ANGPT1: variants seen among roughly 807,000 people sequenced by gnomAD.
ANGPT1 encodes the protein angiopoietin-1.
ANGPT1 carries 17 observed loss-of-function variants against 62.2 expected under a neutral mutation model. That is an observed-to-expected ratio of 0.27 (90% CI 0.19 to 0.41). The LOEUF is 0.41. ANGPT1 is among the 10% of genes least tolerant of loss of function. The probability of loss-of-function intolerance (pLI) is 1.00; values close to 1 mark genes in which losing one functional copy is unlikely to be tolerated. For synonymous variants in ANGPT1, 199 were observed against 198.9 expected, an observed-to-expected ratio of 1.00 and a Z score of 0.00; for missense variants, 478 against 594.9, an observed-to-expected ratio of 0.80 and a Z score of 2.04.
At chr8:107,375,917 T>G (rs1459797114) in intron 1 of ANGPT1, among the ~76,000 whole-genome samples, 1 of 152,228 alleles carries the variant, frequency 6.6e-6, no homozygotes, top group African/African-American at 2.4e-5. Context: ...CAATCATTGT[T>G]CTAGAATATG....
intron 7 of ANGPT1, among the ~76,000 whole-genome samples, chr8:107,269,135 C>G (rs1393512093): frequency 6.6e-6 from 1 of 152,002 alleles, no homozygotes; most frequent in African/African-American, 2.4e-5. Flanking sequence ...CTGGGAGAAA[C>G]TATGCAGTCC....
chr8:107,450,190 G>T (rs569412727), intron 1 of ANGPT1, among the ~76,000 whole-genome samples: 1 of 151,974 alleles, frequency 6.6e-6, no homozygotes, highest in Non-Finnish European at 1.5e-5. Context: ...GTTGGAAAAG[G>T]CTTGAGTTTT....
chr8:107,446,188 A>C lies in ANGPT1; in HGVS notation c.297+51074T>G, dbSNP rs549388263. On this transcript the variant is annotated intron_variant, in intron 1 of 8. Coordinates refer to ENST00000517746, the MANE Select transcript of ANGPT1 (RefSeq NM_001146.5). ...CGCCTTGGCTTCCCAGAGTGCTGGG[A>C]TTACAGGCATGAGCCACCACGCCCG... Among the ~76,000 whole-genome samples, 10 of 152,348 alleles carry C rather than the reference A, an allele frequency of 6.6e-5. No individual in the cohort carries two copies. The South Asian group carries it at 1.9e-3, about 28-fold the overall frequency.
rs184201403 is a variant in ANGPT1, at chr8:107,340,332, G to T, written c.454-4061C>A. Among the ~76,000 whole-genome samples the T allele has an allele frequency of 2.8e-4, 43 of 152,222 alleles. 2 individuals are homozygous for T. In the South Asian group the frequency reaches 5.4e-3, roughly 19 times the overall value. On this transcript the variant is annotated intron_variant, in intron 2 of 8. Transcript: ENST00000517746. ...TTTTCCAAAATATACCTAAGAGTAA[G>T]AGAGACATAAAACCTGAAATTGAGG...
chr8:107,310,721 G>A (rs760849237), intron 4 of ANGPT1, among the ~76,000 whole-genome samples: 2 of 152,074 alleles, frequency 1.3e-5, no homozygotes, highest in African/African-American at 2.4e-5. Flanking sequence ...TAAGTGAGAG[G>A]TCCCAAAGCA....
chr8:107,275,091 T>C (rs146704736), intron 7 of ANGPT1, among the ~76,000 whole-genome samples: 3 of 152,094 alleles, frequency 2.0e-5, no homozygotes, highest in Non-Finnish European at 4.4e-5. Flanking sequence ...AAAATAGAGG[T>C]TGAGTTCTGT....
chr8:107,363,766 T>A (rs1038794910), intron 1 of ANGPT1, among the ~76,000 whole-genome samples: 2 of 152,008 alleles, frequency 1.3e-5, no homozygotes, highest in African/African-American at 2.4e-5. Context: ...GTAAAAAAAA[T>A]AATAATAATA....
At chr8:107,420,290 C>T (rs966175986) in intron 1 of ANGPT1, among the ~76,000 whole-genome samples, 1 of 152,050 alleles carries the variant, frequency 6.6e-6, no homozygotes, top group African/African-American at 2.4e-5. Flanking sequence ...AGGAGTGAAC[C>T]TGTGCTTCAA....
At chr8:107,293,840 C>A in intron 6 of ANGPT1, 96 bp downstream of exon 6, 2 of 935,198 alleles carry the variant, frequency 2.1e-6, no homozygotes, top group Non-Finnish European at 3.2e-6. Context: ...AAAAATAACT[C>A]AAAACCACCT....
intron 4 of ANGPT1, among the ~76,000 whole-genome samples, chr8:107,307,930 G>C (rs1814758411): frequency 6.6e-6 from 1 of 151,924 alleles, no homozygotes; most frequent in Non-Finnish European, 1.5e-5. Context: ...CCAGGTGTTT[G>C]CTCTTTCCCT....
chr8:107,431,722 A>T (rs1215456379), intron 1 of ANGPT1, among the ~76,000 whole-genome samples: 1 of 121,974 alleles, frequency 8.2e-6, no homozygotes, highest in African/African-American at 3.3e-5. Context: ...ATTTTCAGGG[A>T]AACTACTCTG....
intron 1 of ANGPT1, among the ~76,000 whole-genome samples, chr8:107,482,176 T>C (rs1476634498): frequency 2.0e-5 from 3 of 152,236 alleles, no homozygotes; most frequent in Non-Finnish European, 4.4e-5. Flanking sequence ...ATGAATTTTT[T>C]GAAGTTCCGT....
At chr8:107,408,077 CA>C (rs5893859) in intron 1 of ANGPT1, among the ~76,000 whole-genome samples, 46,244 of 151,468 alleles carry the variant, frequency 0.31, 8,169 homozygotes, top group East Asian at 0.58. Context: ...TATTTTCTTA[CA>C]AAAAAATAAA....
chr8:107,469,237 T>A (rs563121269), intron 1 of ANGPT1, among the ~76,000 whole-genome samples: 1 of 152,152 alleles, frequency 6.6e-6, no homozygotes, highest in African/African-American at 2.4e-5. Context: ...AGAGTTTATA[T>A]CTTGACCAAA....
rs1006376004 is a variant in ANGPT1, at chr8:107,398,520, T to C, written c.298-51423A>G. Among the ~76,000 whole-genome samples, 334 of 137,524 alleles carry C rather than the reference T, an allele frequency of 2.4e-3. 2 individuals are homozygous for C. The highest frequency in any genetic ancestry group is 8.6e-3 in the African/African-American group (331 of 38,488). 90.2% of individuals were successfully genotyped at this position (137,524 alleles called of 152,430 possible). On this transcript the variant is annotated intron_variant, in intron 1 of 8. Transcript: ENST00000517746. The stretch of plus-strand genomic sequence containing the variant: ...TTTCTATTTTTTTTTTTTTTTTTGC[T>C]AAGTGTGAAAACACTCTGTGAATCA...
intron 1 of ANGPT1, among the ~76,000 whole-genome samples, chr8:107,428,129 CA>C (rs1811085398): frequency 6.6e-6 from 1 of 152,144 alleles, no homozygotes; most frequent in Admixed American, 6.5e-5. Context: ...AACCACAAAG[CA>C]ACTGGAATTG....
intron 1 of ANGPT1, among the ~76,000 whole-genome samples, chr8:107,459,324 C>A (rs1812003737): frequency 6.6e-6 from 1 of 152,016 alleles, no homozygotes; most frequent in South Asian, 2.1e-4. Context: ...CCCAGGCGGG[C>A]AGATTACTTG....
intron 1 of ANGPT1, among the ~76,000 whole-genome samples, chr8:107,421,941 ATTGT>A (rs1452368720): frequency 2.6e-5 from 4 of 152,088 alleles, no homozygotes; most frequent in East Asian, 1.9e-4. Flanking sequence ...ACTTCTATTC[ATTGT>A]TTGTGTTCCA....
chr8:107,359,212 G>A (rs921196244), intron 1 of ANGPT1, among the ~76,000 whole-genome samples: 2 of 152,062 alleles, frequency 1.3e-5, no homozygotes, highest in African/African-American at 4.8e-5. Flanking sequence ...GACTTACTCC[G>A]AAGAGAGGAG....
Sources: gnomAD v4.1 joint callset for allele counts (sites outside exome capture counted in the v4.1 genomes callset) on GRCh38, gnomAD v4.1.1 for gene constraint, MANE v1.5 for transcripts, NCBI Gene and HGNC (gene_info 2026-07-23, HGNC 2026-07-21) for gene names.